The following CPED1 variants were observed in gnomAD, a reference collection of about 807,000 sequenced individuals.
The protein encoded by CPED1 is cadherin-like and PC-esterase domain-containing protein 1.
CPED1 carries 114 observed loss-of-function variants against 128.2 expected under a neutral mutation model. That is an observed-to-expected ratio of 0.89 (90% CI 0.76 to 1.04). The LOEUF (loss-of-function observed/expected upper bound fraction) is 1.04, where lower values mean the gene tolerates loss of function less well. Ranked by LOEUF, CPED1 falls within the 50% of genes least tolerant of loss-of-function variation. CPED1 has a pLI of 0.00. For synonymous variants in CPED1, 462 were observed against 426.7 expected, an observed-to-expected ratio of 1.08 and a Z score of -1.02; for missense variants, 1,211 against 1,207.1, an observed-to-expected ratio of 1.00 and a Z score of -0.05.
chr7:121,267,309 A>C lies in CPED1; in HGVS notation c.2721+7A>C. ...AGTACATTTCTTAACACAGGTAAGCACATTTCCTCTGGGCTAGGTGAATTT... is the reference window on the plus strand; with the variant it reads ...AGTACATTTCTTAACACAGGTAAGCCCATTTCCTCTGGGCTAGGTGAATTT... On this transcript the variant is annotated splice_region_variant and intron_variant, in intron 21 of 22. Transcript: ENST00000310396. 5.9e-6 allele frequency: 9 copies of C among 1,528,492 alleles called. No homozygotes were observed. Among genetic ancestry groups the C allele is most frequent in the Non-Finnish European group, 8.1e-6 (9 of 1,116,698 alleles). The allele number at this position is 1,528,492 out of a possible 1,614,324, so 94.7% of individuals were successfully genotyped here.
At chr7:121,126,990 T>G in intron 9 of CPED1, 100 bp from the exon 10 acceptor site, 1 of 892,686 alleles carries the variant, frequency 1.1e-6, no homozygotes, top group Non-Finnish European at 1.6e-6. Context: ...TCAGTTCTGA[T>G]CTATAATCCA....
chr7:121,187,838 A>G (rs757817694), intron 16 of CPED1, among the ~76,000 whole-genome samples: 1 of 152,160 alleles, frequency 6.6e-6, no homozygotes, highest in Non-Finnish European at 1.5e-5. Context: ...CAATGTGGCC[A>G]TAAAGTTGGA....
At chr7:121,183,974 T>C (rs552305212) in intron 16 of CPED1, among the ~76,000 whole-genome samples, 71 of 152,146 alleles carry the variant, frequency 4.7e-4, no homozygotes, top group Admixed American at 4.5e-3. Flanking sequence ...ACCCTGTTTC[T>C]ACTGAAAATA....
intron 16 of CPED1, among the ~76,000 whole-genome samples, chr7:121,211,228 A>G (rs1253395952): frequency 4.6e-5 from 7 of 152,080 alleles, no homozygotes; most frequent in African/African-American, 1.4e-4. Context: ...CTTCCTAGAT[A>G]GTATTTTTCC....
intron 16 of CPED1, among the ~76,000 whole-genome samples, chr7:121,232,057 T>C (rs1013777025): frequency 5.1e-4 from 77 of 151,922 alleles, no homozygotes; most frequent in African/African-American, 1.8e-3. Flanking sequence ...TGAGCCACAG[T>C]AGAGGGTAAC....
intron 18 of CPED1, among the ~76,000 whole-genome samples, chr7:121,250,804 T>G (rs1010677552): frequency 2.1e-4 from 32 of 151,910 alleles, no homozygotes; most frequent in Non-Finnish European, 3.8e-4. Flanking sequence ...AATAACAGGA[T>G]CTGAAATTGA....
intron 4 of CPED1, among the ~76,000 whole-genome samples, chr7:121,060,236 T>C (rs1793622203): frequency 1.3e-5 from 2 of 152,240 alleles, no homozygotes; most frequent in African/African-American, 4.8e-5. Context: ...CGTGGGCTCC[T>C]GTGCGGCCGG....
At chr7:121,287,556 T>C (rs1048447242) in intron 22 of CPED1, among the ~76,000 whole-genome samples, 1 of 152,206 alleles carries the variant, frequency 6.6e-6, no homozygotes, top group East Asian at 1.9e-4. Flanking sequence ...TGAGTCATGA[T>C]TGTAGACTCT....
chr7:121,203,020 A>G (rs891252745), intron 16 of CPED1, among the ~76,000 whole-genome samples: 2 of 151,952 alleles, frequency 1.3e-5, no homozygotes, highest in African/African-American at 4.8e-5. Flanking sequence ...AGTTGTTCCT[A>G]TTTTAAGACC....
At chr7:121,132,775 C>T (rs556628043) in intron 12 of CPED1, among the ~76,000 whole-genome samples, 7 of 152,136 alleles carry the variant, frequency 4.6e-5, no homozygotes, top group African/African-American at 1.7e-4. Context: ...GTGTCTCATT[C>T]CATTAAGATA....
At chr7:121,001,468 A>G (rs1791857599) in intron 2 of CPED1, among the ~76,000 whole-genome samples, 1 of 152,148 alleles carries the variant, frequency 6.6e-6, no homozygotes, top group African/African-American at 2.4e-5. Context: ...ATCTAGGAAG[A>G]GTCAGGTGGA....
chr7:121,120,832 G>A (rs933710065), intron 7 of CPED1, among the ~76,000 whole-genome samples: 3 of 152,030 alleles, frequency 2.0e-5, no homozygotes, highest in African/African-American at 7.2e-5. Flanking sequence ...AGAAACTACA[G>A]TAAGGTGTTT....
At chr7:121,054,037 A>C (rs1793427887) in intron 4 of CPED1, among the ~76,000 whole-genome samples, 1 of 152,098 alleles carries the variant, frequency 6.6e-6, no homozygotes, top group South Asian at 2.1e-4. Context: ...CCCAGGCTGG[A>C]ATTAACCATT....
Position 121,139,578 on chromosome 7 carries a change from A to G in CPED1, c.1700-1249A>G, listed in dbSNP as rs1795856454. On this transcript the variant is annotated intron_variant, in intron 14 of 22. Transcript: ENST00000310396. ...TCTTGTTGAAGCACAAAGACTGGGC[A>G]AAATGGGCAATGCAGCTGGAGAGCA... Among the ~76,000 whole-genome samples, 5 of 152,036 alleles carry G rather than the reference A, an allele frequency of 3.3e-5. No individual in the cohort carries two copies. The South Asian group carries it at 8.3e-4, about 25-fold the overall frequency.
At chr7:121,093,192 C>T (rs556494657) in intron 5 of CPED1, among the ~76,000 whole-genome samples, 272 of 152,160 alleles carry the variant, frequency 1.8e-3, no homozygotes, top group Non-Finnish European at 2.5e-3. Flanking sequence ...TATGTTTAGT[C>T]ACTCTTTCTT....
intron 16 of CPED1, among the ~76,000 whole-genome samples, chr7:121,220,835 G>T (rs1277339174): frequency 6.6e-6 from 1 of 151,728 alleles, no homozygotes; most frequent in Non-Finnish European, 1.5e-5. Context: ...CAGAACTTAC[G>T]TGTTCACAAT....
In CPED1 at chr7:121,063,381, G is replaced by GAAAAAAAAA. The variant is rs368502123; in HGVS notation, c.541-844_541-836dup. 1.5e-3 allele frequency among the ~76,000 whole-genome samples: 100 copies of GAAAAAAAAA among 67,000 alleles called. 1 individual carries two copies. The highest frequency in any genetic ancestry group is 2.1e-3 in the Non-Finnish European group (82 of 39,096). 44.0% of individuals were successfully genotyped at this position (67,000 alleles called of 152,430 possible). ...GCTTTATTTTGCAAATGAAGAAACT[G>GAAAAAAAAA]AAAAAAAAAAAAAAAAAAAAAGCAA... On this transcript the variant is annotated intron_variant, in intron 4 of 22. Coordinates refer to ENST00000310396, the MANE Select transcript of CPED1 (RefSeq NM_024913.5).
At chr7:120,998,515 AATT>A (rs1243372849) in intron 2 of CPED1, among the ~76,000 whole-genome samples, 5 of 152,138 alleles carry the variant, frequency 3.3e-5, no homozygotes, top group Admixed American at 3.3e-4. Flanking sequence ...CTATGAAAAT[AATT>A]ATTATTTAAT....
intron 18 of CPED1, among the ~76,000 whole-genome samples, chr7:121,258,331 A>G (rs982987065): frequency 3.3e-5 from 5 of 152,096 alleles, no homozygotes; most frequent in Non-Finnish European, 7.4e-5. Context: ...TAGTGGAAGA[A>G]GACAAATGAG....
Sources: gnomAD v4.1 joint callset for allele counts (sites outside exome capture counted in the v4.1 genomes callset) on GRCh38, gnomAD v4.1.1 for gene constraint, MANE v1.5 for transcripts, NCBI Gene and HGNC (gene_info 2026-07-23, HGNC 2026-07-21) for gene names.